Variants in PARL observed in about 807,000 individuals in gnomAD.
The protein encoded by PARL is presenilin associated rhomboid like, also known as presenilin-associated rhomboid-like protein, mitochondrial.
Under a neutral mutation model 51.6 loss-of-function variants are expected in PARL, and 44 were observed. That is an observed-to-expected ratio of 0.85 (90% CI 0.67 to 1.10). PARL has a LOEUF of 1.10. Among genes scored for constraint, PARL ranks in the 50% least tolerant of loss-of-function variants. PARL has a pLI of 0.00. For synonymous variants in PARL, 172 were observed against 164.0 expected (o/e 1.05, Z -0.37); for missense variants, 441 against 469.5 (o/e 0.94, Z 0.56).
chr3:183,836,799 G>A lies in PARL; in HGVS notation c.829-2974C>T, dbSNP rs555370435. Among the ~76,000 whole-genome samples the A allele has an allele frequency of 8.5e-5, 13 of 152,128 alleles. No individual in the cohort carries two copies. The South Asian group carries it at 1.2e-3, about 15-fold the overall frequency. On this transcript the variant is annotated intron_variant, in intron 7 of 9. Coordinates refer to ENST00000317096, the MANE Select transcript of PARL (RefSeq NM_018622.7). ...CTCGCTATTGCCCAAACTGGAGTGC[G>A]GTGGCACGATCTCACTGCAACCTCC...
chr3:183,844,257 C>G lies in PARL; in HGVS notation c.581G>C (p.Arg194Thr), dbSNP rs1375337279. 4 of 1,606,938 alleles carry G rather than the reference C, an allele frequency of 2.5e-6. No individual in the cohort carries two copies. The Admixed American group carries it at 5.0e-5, about 20-fold the overall frequency. Residue 194 changes from arginine to threonine, a missense_variant, in exon 5 of 10, where the codon AGA becomes ACA. Arg to Thr is a moderately conservative substitution (Grantham distance 71, BLOSUM62 -1). Transcript: ENST00000317096. ...TGAGGCTGGATTCGATGTGAAATAT[C>G]TGATCATTGTCCGCTGCAGAGAAGG... ...RVPSLQRTMI[R>T]YFTSNPASKV...
At chr3:183,879,338 T>G (rs1734180893) in intron 1 of PARL, among the ~76,000 whole-genome samples, 2 of 152,218 alleles carry the variant, frequency 1.3e-5, no homozygotes, top group African/African-American at 4.8e-5. Flanking sequence ...TTCAAGATTT[T>G]GTTTGTGATA....
intron 1 of PARL, among the ~76,000 whole-genome samples, chr3:183,880,061 G>A (rs1734271113): frequency 6.6e-6 from 1 of 152,034 alleles, no homozygotes; most frequent in African/African-American, 2.4e-5. Context: ...TGTGAAACAA[G>A]CAAAAGCATG....
intron 1 of PARL, among the ~76,000 whole-genome samples, chr3:183,880,504 C>T (rs1223365741): frequency 4.0e-5 from 6 of 151,888 alleles, no homozygotes; most frequent in South Asian, 2.1e-4. Context: ...CGGGTTCAGG[C>T]GATTCTCCTT....
rs775142790 is a variant in PARL at position 183,867,920 on chromosome 3, T to A, written c.266A>T (p.Tyr89Phe). The A allele has an allele frequency of 2.5e-4, 403 of 1,613,824 alleles. 6 individuals carry two copies. In the South Asian group the frequency reaches 4.3e-3, roughly 17 times the overall value. The change falls in exon 2 of 10, where the codon TAT (tyrosine) becomes TTT (phenylalanine). Residue 89 changes from tyrosine (Y) to phenylalanine (F), a missense_variant. Coordinates refer to ENST00000317096, the MANE Select transcript of PARL (RefSeq NM_018622.7). ...ACTCCTTATAGGATAGGGAGAAGGA[T>A]AAAAGACTGTTTCTTCCACAGGAGG... The part of the protein sequence containing the change: ...LIPPVEETVF[Y>F]PSPYPIRSLI...
At chr3:183,848,679 T>A (rs951035147) in intron 4 of PARL, among the ~76,000 whole-genome samples, 1 of 152,228 alleles carries the variant, frequency 6.6e-6, no homozygotes, top group Admixed American at 6.5e-5. Context: ...CTTTCAGGGC[T>A]GTCTGTTTAA....
chr3:183,860,823 T>C (rs1731735803), intron 4 of PARL, among the ~76,000 whole-genome samples: 1 of 150,336 alleles, frequency 6.7e-6, no homozygotes, highest in Non-Finnish European at 1.5e-5. Flanking sequence ...ACTTTTTTTT[T>C]TTTTTTTTTT....
chr3:183,849,099 T>G (rs541903952), intron 4 of PARL, among the ~76,000 whole-genome samples: 6 of 152,146 alleles, frequency 3.9e-5, no homozygotes, highest in Non-Finnish European at 1.5e-5. Flanking sequence ...GCTGGAGACT[T>G]CAGAACTCTA....
At chr3:183,854,076 CA>C (rs1248794019) in intron 4 of PARL, among the ~76,000 whole-genome samples, 108 of 144,020 alleles carry the variant, frequency 7.5e-4, no homozygotes, top group Non-Finnish European at 7.8e-4. Flanking sequence ...CTGTCTCTAC[CA>C]AAAAAAAAAA....
In PARL at chr3:183,829,359, G is replaced by A. The variant is rs528444676; in HGVS notation, c.*239C>T. 1.7e-5 allele frequency: 24 copies of A among 1,378,850 alleles called. No individual in the cohort carries two copies. In the South Asian group the frequency reaches 2.2e-4, roughly 13 times the overall value. 85.4% of individuals were successfully genotyped at this position (1,378,850 alleles called of 1,614,324 possible). A position where few individuals can be genotyped will look rare whatever the true frequency, so the allele number is the denominator to read the frequency against. On this transcript the variant is annotated 3_prime_UTR_variant, in exon 10 of 10. Transcript: ENST00000317096. Reference sequence around the variant, plus strand: ...CAAAGCAAAATGCCAGAGCCGTGTCGGCCCCTTAAAGAGAGAACACACACA... The same window carrying A: ...CAAAGCAAAATGCCAGAGCCGTGTCAGCCCCTTAAAGAGAGAACACACACA...
At chr3:183,884,696 G>C in intron 1 of PARL, 26 bp downstream of exon 1, 1 of 1,580,490 alleles carries the variant, frequency 6.3e-7, no homozygotes, top group Admixed American at 1.8e-5. Flanking sequence ...CAAGAGGCGA[G>C]AAGACCAGAG....
chr3:183,828,606 CGT>C (rs1655728974), downstream of PARL, among the ~76,000 whole-genome samples: 1 of 152,192 alleles, frequency 6.6e-6, no homozygotes, highest in African/African-American at 2.4e-5. Flanking sequence ...GTGCTGGGCG[CGT>C]GCTGCCATGC....
At position 183,867,909 on chromosome 3, in the gene PARL, A is replaced by G; in HGVS notation, c.277T>C (p.Tyr93His). 1 of 1,613,930 alleles carries G rather than the reference A, an allele frequency of 6.2e-7. No individual in the cohort carries two copies. Among genetic ancestry groups the G allele is most frequent in the Non-Finnish European group, 8.5e-7 (1 of 1,179,826 alleles). Residue 93 changes from tyrosine to histidine, a missense_variant, in exon 2 of 10, where the codon TAT (tyrosine) becomes CAT (histidine). By Grantham distance (83) the Tyr-to-His change is moderately conservative. Transcript: ENST00000317096. Reference sequence around the variant, plus strand: ...GGTTTTATGAGACTCCTTATAGGATAGGGAGAAGGATAAAAGACTGTTTCT... The same window carrying G: ...GGTTTTATGAGACTCCTTATAGGATGGGGAGAAGGATAAAAGACTGTTTCT... ...VEETVFYPSP[Y>H]PIRSLIKPLF...
chr3:183,830,550 T>C (rs1727819001), intron 9 of PARL, among the ~76,000 whole-genome samples: 2 of 152,162 alleles, frequency 1.3e-5, no homozygotes, highest in African/African-American at 4.8e-5. Context: ...GGGCAGTTAG[T>C]GAGAGCTTGC....
At chr3:183,875,286 G>A (rs1418020670) in intron 1 of PARL, among the ~76,000 whole-genome samples, 3 of 151,878 alleles carry the variant, frequency 2.0e-5, no homozygotes, top group African/African-American at 7.3e-5. Context: ...GTGGTGGCGG[G>A]CGACTGTAAT....
intron 4 of PARL, among the ~76,000 whole-genome samples, chr3:183,845,546 T>C (rs183223072): frequency 6.6e-6 from 1 of 152,354 alleles, no homozygotes; most frequent in East Asian, 1.9e-4. Flanking sequence ...GACAGCATTA[T>C]ACCACCTTTG....
downstream of PARL, among the ~76,000 whole-genome samples, chr3:183,828,143 C>A (rs1560360968): frequency 6.6e-6 from 1 of 152,236 alleles, no homozygotes; most frequent in African/African-American, 2.4e-5. Flanking sequence ...TGCACAGAGG[C>A]TCCAGCATTG....
chr3:183,829,740 A>G, intron 9 of PARL, 31 bp from the exon 10 acceptor site: 1 of 1,550,432 alleles, frequency 6.4e-7, no homozygotes, highest in African/African-American at 1.4e-5. Flanking sequence ...TCCGACATTC[A>G]AACAGTGTGA....
intron 1 of PARL, among the ~76,000 whole-genome samples, chr3:183,876,780 G>C (rs1034540371): frequency 6.6e-6 from 1 of 152,134 alleles, no homozygotes; most frequent in Non-Finnish European, 1.5e-5. Context: ...ATGTCATCGG[G>C]AACACTCATG....
Sources: gnomAD v4.1 joint callset for allele counts (sites outside exome capture counted in the v4.1 genomes callset) on GRCh38, gnomAD v4.1.1 for gene constraint, MANE v1.5 for transcripts, NCBI Gene and HGNC (gene_info 2026-07-23, HGNC 2026-07-21) for gene names.